TRAPPC9: variants seen among roughly 807,000 people sequenced by gnomAD.
The protein encoded by TRAPPC9 is IKK2 binding protein.
TRAPPC9 carries 83 observed loss-of-function variants against 124.0 expected under a neutral mutation model. The ratio of observed to expected loss-of-function variants is 0.67; its 90% CI spans 0.56 to 0.80. TRAPPC9 has a LOEUF of 0.80. TRAPPC9 is among the 30% of genes least tolerant of loss of function. TRAPPC9 has a pLI of 0.00. For missense variants in TRAPPC9, 1,302 were observed against 1,508.3 expected, an observed-to-expected ratio of 0.86 and a Z score of 2.27; for synonymous variants, 638 against 617.5, an observed-to-expected ratio of 1.03 and a Z score of -0.49.
intron 17 of TRAPPC9, among the ~76,000 whole-genome samples, chr8:140,145,347 A>C (rs1373371973): frequency 6.6e-6 from 1 of 151,842 alleles, no homozygotes; most frequent in African/African-American, 2.4e-5. Flanking sequence ...CATTGATGGC[A>C]GACGTCCTTG....
At chr8:140,149,114 AG>A (rs1486594001) in intron 17 of TRAPPC9, among the ~76,000 whole-genome samples, 2 of 152,116 alleles carry the variant, frequency 1.3e-5, no homozygotes, top group African/African-American at 4.8e-5. Context: ...AAAGCTTTCC[AG>A]GTGGCAGGAC....
At chr8:139,922,115 G>A (rs779473825) in intron 19 of TRAPPC9, among the ~76,000 whole-genome samples, 12 of 151,938 alleles carry the variant, frequency 7.9e-5, no homozygotes, top group African/African-American at 2.9e-4. Context: ...TTTACTGTTC[G>A]CAACAATCAC....
intron 17 of TRAPPC9, among the ~76,000 whole-genome samples, chr8:140,051,642 C>T (rs1842015003): frequency 8.1e-6 from 1 of 123,250 alleles, no homozygotes; most frequent in Non-Finnish European, 1.6e-5. Flanking sequence ...AAAGCACATT[C>T]TTAGGAAATG....
At chr8:139,731,861 A>G in intron 22 of TRAPPC9, 118 bp downstream of exon 22, 1 of 948,680 alleles carries the variant, frequency 1.1e-6, no homozygotes, top group Non-Finnish European at 1.7e-6. Flanking sequence ...TGACCACAGA[A>G]CCCCTGCTGC....
intron 17 of TRAPPC9, among the ~76,000 whole-genome samples, chr8:140,139,886 T>C (rs544421995): frequency 8.5e-5 from 13 of 152,304 alleles, no homozygotes; most frequent in African/African-American, 3.1e-4. Context: ...AGTCAGTATT[T>C]CGTTATGCTG....
chr8:140,431,422 G>A (rs945355366), intron 4 of TRAPPC9, among the ~76,000 whole-genome samples: 7 of 151,720 alleles, frequency 4.6e-5, no homozygotes, highest in Non-Finnish European at 1.0e-4. Context: ...CTCCGGCCTC[G>A]GCGACAGAGT....
intron 4 of TRAPPC9, among the ~76,000 whole-genome samples, chr8:140,430,010 G>GA (rs2070577810): frequency 1.3e-5 from 2 of 151,552 alleles, no homozygotes. Flanking sequence ...AGCTGGGCGA[G>GA]GTGGCAGGCG....
intron 17 of TRAPPC9, among the ~76,000 whole-genome samples, chr8:140,159,437 C>T (rs59077321): frequency 0.14 from 21,202 of 152,176 alleles, 2,102 homozygotes; most frequent in East Asian, 0.5. Flanking sequence ...TGCTCTCCAA[C>T]TCCTTAGACA....
intron 17 of TRAPPC9, among the ~76,000 whole-genome samples, chr8:140,026,464 G>T (rs903144808): frequency 6.6e-6 from 1 of 152,172 alleles, no homozygotes; most frequent in Non-Finnish European, 1.5e-5. Context: ...AGTGCACAGG[G>T]TTCCTGTTTT....
At chr8:140,143,132 C>T (rs1355553247) in intron 17 of TRAPPC9, among the ~76,000 whole-genome samples, 1 of 152,226 alleles carries the variant, frequency 6.6e-6, no homozygotes, top group African/African-American at 2.4e-5. Flanking sequence ...GCAGCTGAGA[C>T]AGTGTGCTGG....
At chr8:139,919,803 C>T (rs1832395545) in intron 19 of TRAPPC9, among the ~76,000 whole-genome samples, 1 of 152,174 alleles carries the variant, frequency 6.6e-6, no homozygotes, top group African/African-American at 2.4e-5. Flanking sequence ...GCGGAGGACC[C>T]CATGCACAGG....
At chr8:140,324,021 T>C (rs535337706) in intron 9 of TRAPPC9, among the ~76,000 whole-genome samples, 1 of 152,290 alleles carries the variant, frequency 6.6e-6, no homozygotes, top group South Asian at 2.1e-4. Context: ...TGTACCCAAT[T>C]TGTAGTATTT....
intron 15 of TRAPPC9, among the ~76,000 whole-genome samples, chr8:140,255,928 G>A (rs2064244291): frequency 6.6e-6 from 1 of 152,070 alleles, no homozygotes; most frequent in African/African-American, 2.4e-5. Context: ...ATTCTTATAG[G>A]AATTTAGTGA....
At chr8:140,231,657 C>T (rs1195484780) in intron 16 of TRAPPC9, among the ~76,000 whole-genome samples, 1 of 136,372 alleles carries the variant, frequency 7.3e-6, no homozygotes, top group South Asian at 2.6e-4. Context: ...CCACACACAG[C>T]TAATTTTTTT....
At chr8:140,210,579 C>G (rs909545284) in intron 17 of TRAPPC9, among the ~76,000 whole-genome samples, 52 of 152,110 alleles carry the variant, frequency 3.4e-4, no homozygotes, top group African/African-American at 1.2e-3. Flanking sequence ...TTGCCTAAGC[C>G]CTTTCTCTCC....
intron 9 of TRAPPC9, among the ~76,000 whole-genome samples, chr8:140,334,687 A>C (rs559699490): frequency 1.3e-5 from 2 of 148,616 alleles, no homozygotes; most frequent in Non-Finnish European, 3.0e-5. Flanking sequence ...ATAAATAAAT[A>C]AGTTCCACAT....
chr8:140,389,842 C>CAAAAAAAAAAA (rs397971049), intron 7 of TRAPPC9, among the ~76,000 whole-genome samples: 1 of 92,548 alleles, frequency 1.1e-5, no homozygotes, highest in Non-Finnish European at 2.5e-5. Context: ...CAACAATAAC[C>CAAAAAAAAAAA]AAAAAAAAAA....
rs117354386 is a variant in TRAPPC9 at position 139,791,339 on chromosome 8, T to A, written c.3056-59137A>T. Among the ~76,000 whole-genome samples, 217 of 70,166 alleles carry A rather than the reference T, an allele frequency of 3.1e-3. 1 individual carries two copies. The highest frequency in any genetic ancestry group is 6.2e-3 in the Non-Finnish European group (169 of 27,084). 46.0% of individuals were successfully genotyped at this position (70,166 alleles called of 152,430 possible). A position where few individuals can be genotyped will look rare whatever the true frequency, so the allele number is the denominator to read the frequency against. On this transcript the variant is annotated intron_variant, in intron 21 of 22. Coordinates refer to ENST00000438773, the MANE Select transcript of TRAPPC9 (RefSeq NM_001160372.4). ...CTCCCCTGCACAGACACACACACGCTCACACTCACACAGGCGCTCATCTCC... is the reference window on the plus strand; with the variant it reads ...CTCCCCTGCACAGACACACACACGCACACACTCACACAGGCGCTCATCTCC...
At chr8:140,439,731 T>C (rs961163797) in intron 2 of TRAPPC9, among the ~76,000 whole-genome samples, 4 of 152,176 alleles carry the variant, frequency 2.6e-5, no homozygotes, top group Non-Finnish European at 5.9e-5. Context: ...GGCAAGGATA[T>C]ACCACTAAAT....
Sources: allele counts gnomAD v4.1 joint callset (sites outside exome capture counted in the v4.1 genomes callset), GRCh38; gene constraint gnomAD v4.1.1; transcripts MANE v1.5; gene names NCBI Gene and HGNC (gene_info 2026-07-23, HGNC 2026-07-21).